Variants in COL24A1 observed in about 807,000 individuals in gnomAD.
The protein encoded by COL24A1 is collagen type XXIV alpha 1 chain.
A neutral mutation model predicts 253.9 loss-of-function variants in COL24A1; 224 were observed. The ratio of observed to expected loss-of-function variants is 0.88; its 90% confidence interval spans 0.79 to 0.99. The LOEUF (loss-of-function observed/expected upper bound fraction) is 0.99, where lower values mean the gene tolerates loss of function less well. Ranked by LOEUF, COL24A1 falls within the 50% of genes least tolerant of loss-of-function variation. COL24A1 has a pLI of 0.00. For synonymous variants in COL24A1, 685 were observed against 673.7 expected, an observed-to-expected ratio of 1.02 and a Z score of -0.26; for missense variants, 2,131 against 2,068.5, an observed-to-expected ratio of 1.03 and a Z score of -0.59.
intron 22 of COL24A1, among the ~76,000 whole-genome samples, chr1:85,967,523 T>C (rs1005813305): frequency 3.3e-5 from 5 of 152,028 alleles, no homozygotes; most frequent in African/African-American, 4.8e-5. Flanking sequence ...GGTTGGGGAA[T>C]GAGAAGTTCA....
intron 33 of COL24A1, 135 bp downstream of exon 33, chr1:85,876,987 A>T (rs1013243640): frequency 1.8e-5 from 10 of 547,108 alleles, no homozygotes; most frequent in Middle Eastern, 4.9e-4. Flanking sequence ...TTTTAATGGA[A>T]TTTTAGTTTT....
intron 57 of COL24A1, among the ~76,000 whole-genome samples, chr1:85,741,143 G>A (rs373817859): frequency 2.5e-4 from 38 of 150,076 alleles, no homozygotes; most frequent in African/African-American, 9.2e-4. Flanking sequence ...GAAAAGAAAA[G>A]AAAAGGAAAG....
intron 3 of COL24A1, among the ~76,000 whole-genome samples, chr1:86,117,131 C>T (rs1300572321): frequency 6.6e-6 from 1 of 152,184 alleles, no homozygotes; most frequent in Non-Finnish European, 1.5e-5. Flanking sequence ...AGTGTCCTGT[C>T]TCACTACTTG....
chr1:85,812,632 A>G (rs313746), intron 47 of COL24A1, among the ~76,000 whole-genome samples: 60,082 of 152,042 alleles, frequency 0.4, 12,976 homozygotes, highest in East Asian at 0.58. Context: ...CGAGGAAGAT[A>G]AATTTAGATG....
chr1:85,887,881 A>G (rs1386994902), intron 32 of COL24A1, among the ~76,000 whole-genome samples: 1 of 151,990 alleles, frequency 6.6e-6, no homozygotes, highest in African/African-American at 2.4e-5. Flanking sequence ...TCTCACTTCT[A>G]TACTCTTTCC....
At chr1:85,754,762 T>C (rs1041806375) in intron 55 of COL24A1, among the ~76,000 whole-genome samples, 1 of 151,948 alleles carries the variant, frequency 6.6e-6, no homozygotes, top group African/African-American at 2.4e-5. Flanking sequence ...GACAGGTTTA[T>C]TGAGATTATC....
At chr1:86,129,138 A>G (rs1648770942) in intron 2 of COL24A1, among the ~76,000 whole-genome samples, 1 of 151,760 alleles carries the variant, frequency 6.6e-6, no homozygotes, top group African/African-American at 2.4e-5. Context: ...ATTTAGTCTA[A>G]TTTTCCACTG....
chr1:85,852,627 A>G (rs1196810211), intron 37 of COL24A1, among the ~76,000 whole-genome samples: 1 of 152,108 alleles, frequency 6.6e-6, no homozygotes, highest in Non-Finnish European at 1.5e-5. Context: ...CTGTCCATTT[A>G]TTTAGTTCTT....
At chr1:85,783,606 G>T in intron 50 of COL24A1, 48 bp from the exon 51 acceptor site, 2 of 1,515,314 alleles carry the variant, frequency 1.3e-6, no homozygotes, top group South Asian at 1.1e-5. Flanking sequence ...AGCTCTATAT[G>T]AACATTTTAC....
At chr1:85,871,587 G>A (rs1252998572) in intron 35 of COL24A1, among the ~76,000 whole-genome samples, 2 of 152,162 alleles carry the variant, frequency 1.3e-5, no homozygotes, top group Non-Finnish European at 2.9e-5. Context: ...CAGAACCAAA[G>A]ATAAAAACCA....
intron 8 of COL24A1, among the ~76,000 whole-genome samples, chr1:86,062,011 G>A (rs190731432): frequency 1.3e-5 from 2 of 152,092 alleles, no homozygotes; most frequent in East Asian, 1.9e-4. Context: ...TAGAATAACA[G>A]CACTCATTTT....
chr1:85,802,352 C>T (rs920896317), intron 47 of COL24A1, among the ~76,000 whole-genome samples: 2 of 152,096 alleles, frequency 1.3e-5, no homozygotes, highest in East Asian at 3.9e-4. Context: ...AAACTTTAGC[C>T]GTACTGGTCT....
chr1:85,994,941 G>A (rs1398727333), intron 19 of COL24A1, among the ~76,000 whole-genome samples: 1 of 152,076 alleles, frequency 6.6e-6, no homozygotes, highest in East Asian at 1.9e-4. Flanking sequence ...TCATGATACT[G>A]CTGAGAAATT....
chr1:85,853,563 G>A (rs186737713), intron 37 of COL24A1, among the ~76,000 whole-genome samples: 1 of 152,294 alleles, frequency 6.6e-6, no homozygotes, highest in East Asian at 1.9e-4. Flanking sequence ...TTCCACAGTG[G>A]CTGAGCTAAT....
chr1:85,779,527 T>C (rs1046439414), intron 52 of COL24A1, among the ~76,000 whole-genome samples: 1 of 152,140 alleles, frequency 6.6e-6, no homozygotes, highest in African/African-American at 2.4e-5. Context: ...AAGAACCTGG[T>C]CTTGGATGAG....
chr1:86,051,612 T>C (rs1305839577), intron 10 of COL24A1, among the ~76,000 whole-genome samples: 1 of 152,058 alleles, frequency 6.6e-6, no homozygotes, highest in African/African-American at 2.4e-5. Flanking sequence ...TGAAGAGTCT[T>C]TTTTGTTATG....
intron 47 of COL24A1, among the ~76,000 whole-genome samples, chr1:85,804,440 C>A (rs1286025210): frequency 6.6e-6 from 1 of 152,014 alleles, no homozygotes; most frequent in Non-Finnish European, 1.5e-5. Context: ...GAAATAAACC[C>A]CAAAAGGATA....
At chr1:85,925,309 T>C (rs923302334) in intron 24 of COL24A1, among the ~76,000 whole-genome samples, 16 of 152,126 alleles carry the variant, frequency 1.1e-4, no homozygotes, top group African/African-American at 3.6e-4. Flanking sequence ...CTTCACGGAA[T>C]TGGAAAAAAC....
intron 37 of COL24A1, among the ~76,000 whole-genome samples, chr1:85,856,991 G>T (rs532543643): frequency 6.6e-6 from 1 of 152,222 alleles, no homozygotes; most frequent in East Asian, 1.9e-4. Context: ...GTAAAGAGAA[G>T]CATGGAGGTT....
Sources: allele counts gnomAD v4.1 joint callset (sites outside exome capture counted in the v4.1 genomes callset), GRCh38; gene constraint gnomAD v4.1.1; transcripts MANE v1.5; gene names NCBI Gene and HGNC (gene_info 2026-07-23, HGNC 2026-07-21).